PRDM10: variants seen among roughly 807,000 people sequenced by gnomAD.
PRDM10 encodes the protein PR domain zinc finger protein 10.
A neutral mutation model predicts 133.1 loss-of-function variants in PRDM10; 65 were observed. The observed-to-expected ratio is 0.49, with a 90% CI of 0.40 to 0.60. The LOEUF (loss-of-function observed/expected upper bound fraction) is 0.60. PRDM10 is among the 20% of genes least tolerant of loss of function. PRDM10 has a pLI of 0.00. For missense variants in PRDM10, 1,137 were observed against 1,507.1 expected (o/e 0.75, Z 4.07); for synonymous variants, 582 against 580.4 (o/e 1.00, Z -0.04).
rs757291881 is a variant in PRDM10, at chr11:129,960,941, C to T, written c.24G>A (p.Ser8=). Residue 8 remains serine (S), a synonymous_variant, in exon 2 of 21, where the codon TCG becomes TCA. Transcript: ENST00000360871. ...GCTCTGCAGATGTCGGCCACACATGCGAGCTTTCATCTTTGGAATCCATCT... is the reference window on the plus strand; with the variant it reads ...GCTCTGCAGATGTCGGCCACACATGTGAGCTTTCATCTTTGGAATCCATCT... MDSKDES[S]HVWPTSAEHE... is the part of the protein sequence containing the mutation. 85 of 1,614,130 alleles carry T rather than the reference C, an allele frequency of 5.3e-5. 1 individual carries two copies. In the Middle Eastern group the frequency reaches 1.2e-3, roughly 22 times the overall value.
chr11:129,908,885 C>T (rs548635017), intron 19 of PRDM10, among the ~76,000 whole-genome samples: 2 of 151,940 alleles, frequency 1.3e-5, no homozygotes, highest in African/African-American at 2.4e-5. Context: ...CGCCACCAGA[C>T]GTGGCTAATT....
intron 1 of PRDM10, among the ~76,000 whole-genome samples, chr11:129,970,039 C>T (rs917022855): frequency 2.6e-5 from 4 of 152,114 alleles, no homozygotes; most frequent in South Asian, 2.1e-4. Flanking sequence ...CATAGAATAA[C>T]GGAACTAATT....
At chr11:129,984,605 C>G (rs1456923079) in intron 1 of PRDM10, among the ~76,000 whole-genome samples, 1 of 152,174 alleles carries the variant, frequency 6.6e-6, no homozygotes, top group African/African-American at 2.4e-5. Flanking sequence ...AGCGCTCCCC[C>G]ACAGCTCTCA....
chr11:129,925,226 C>T lies in PRDM10; in HGVS notation c.1534G>A (p.Ala512Thr), dbSNP rs530896113. 1 of 1,603,828 alleles carries T rather than the reference C, an allele frequency of 6.2e-7. No individual in the cohort carries two copies. Among genetic ancestry groups the T allele is most frequent in the South Asian group, 1.1e-5 (1 of 89,344 alleles). Residue 512 changes from alanine to threonine, a missense_variant, in exon 12 of 21, where the codon GCA (alanine) becomes ACA (threonine). By Grantham distance (58) the Ala-to-Thr change is moderately conservative. Around this residue, in one of 6 missense-constraint regions of PRDM10, gnomAD observed 635 missense variants for 835.2 expected, o/e 0.76. Transcript: ENST00000360871. ...CGAATAAACAGATGCTGAAGAGCTG[C>T]ATTCTGAAAGACATACACAAATGTG... ...DMRRAKRIRN[A>T]ALQHLFIRKS...
intron 10 of PRDM10, 113 bp downstream of exon 10, chr11:129,931,989 T>G: frequency 7.6e-7 from 1 of 1,314,144 alleles, no homozygotes; most frequent in Non-Finnish European, 1.0e-6. Context: ...CAGCAAGGTC[T>G]GATAGGAAAG....
Position 129,951,564 on chromosome 11 carries a change from C to A in PRDM10, c.294+3948G>T, listed in dbSNP as rs116913918. Among the ~76,000 whole-genome samples, 52 of 152,292 alleles carry A rather than the reference C, an allele frequency of 3.4e-4. No homozygotes were observed. The East Asian group carries it at 7.7e-3, about 23-fold the overall frequency. On this transcript the variant is annotated intron_variant, in intron 4 of 20. Coordinates refer to ENST00000360871, the MANE Select transcript of PRDM10 (RefSeq NM_199437.2). ...AAAGCAAAAAGAATCTATAAACTTA[C>A]GGTATACTTTCTCCTTCCCACTTAA...
chr11:129,925,124 G>GT lies in PRDM10; in HGVS notation c.1635dup (p.Arg546ThrfsTer14). ...CAGTTCCCCTCCCGCCCATGGAAGCGTAAGTGCTGGTCCAGTTTGTCCTTT... is the reference window on the plus strand; with the variant it reads ...CAGTTCCCCTCCCGCCCATGGAAGCGTTAAGTGCTGGTCCAGTTTGTCCTTT... On this transcript the variant is annotated frameshift_variant, in exon 12 of 21. Coordinates refer to ENST00000360871, the MANE Select transcript of PRDM10 (RefSeq NM_199437.2). LOFTEE classifies it high-confidence loss of function. 6.2e-7 allele frequency: 1 copy of GT among 1,614,214 alleles called. No individual in the cohort carries two copies.
chr11:129,914,992 C>T lies in PRDM10; in HGVS notation c.2553G>A (p.Lys851=). ...SKTKMVQHIR[K]KHPEFAQLSN... ...AGAGCTGGGCGAACTCTGGATGCTT[C>T]TTTCGAATGTGCTGGACCATCTTGG... The change falls in exon 17 of 21, where the codon AAG becomes AAA. Residue 851 remains lysine (K), a synonymous_variant. Coordinates refer to ENST00000360871, the MANE Select transcript of PRDM10 (RefSeq NM_199437.2). The T allele has an allele frequency of 6.2e-7, 1 of 1,604,812 alleles. No individual in the cohort carries two copies.
intron 1 of PRDM10, among the ~76,000 whole-genome samples, chr11:129,977,129 T>G (rs1177321076): frequency 6.6e-6 from 1 of 152,036 alleles, no homozygotes; most frequent in Non-Finnish European, 1.5e-5. Context: ...CATTCCACTG[T>G]CCAGGGTCTG....
At chr11:129,953,776 C>T (rs562037409) in intron 4 of PRDM10, among the ~76,000 whole-genome samples, 1 of 144,314 alleles carries the variant, frequency 6.9e-6, no homozygotes, top group African/African-American at 2.6e-5. Context: ...GGGTATTTAT[C>T]CTAAGGAAAT....
chr11:129,955,513 T>C lies in PRDM10; in HGVS notation c.293A>G (p.Gln98Arg), dbSNP rs1422905955. The C allele has an allele frequency of 6.2e-7, 1 of 1,614,058 alleles. No individual in the cohort carries two copies. The highest frequency in any genetic ancestry group is 8.5e-7 in the Non-Finnish European group (1 of 1,179,966). The change falls in exon 4 of 21, where the codon CAG becomes CGG. Residue 98 changes from glutamine (Q) to arginine (R), a missense_variant and splice_region_variant. By Grantham distance (43) the Gln-to-Arg change is conservative. Transcript: ENST00000360871. ...AYVQQDATAQ[Q>R]ASLPVHNQVL... Reference sequence around the variant, plus strand: ...AACAAGAAAAAGGCAGTTCGTTACCTGCTGAGCTGTAGCATCCTGTTGGAC... The same window carrying C: ...AACAAGAAAAAGGCAGTTCGTTACCCGCTGAGCTGTAGCATCCTGTTGGAC...
Position 129,901,969 on chromosome 11 carries a change from T to G in PRDM10, c.*344A>C. The G allele has an allele frequency of 5.1e-6, 1 of 197,544 alleles. No homozygotes were observed. Among genetic ancestry groups the G allele is most frequent in the Non-Finnish European group, 1.0e-5 (1 of 96,868 alleles). The allele number at this position is 197,544 out of a possible 1,614,324, so 12.2% of individuals were successfully genotyped here. ...AACTTGGCACATCCTGTCTCCACCT[T>G]TGGTATGAACACAATATGCCACTTA... On this transcript the variant is annotated 3_prime_UTR_variant, in exon 21 of 21. Coordinates refer to ENST00000360871, the MANE Select transcript of PRDM10 (RefSeq NM_199437.2).
At chr11:129,929,511 T>A in intron 11 of PRDM10, 3 of 1,182,628 alleles carry the variant, frequency 2.5e-6, no homozygotes, top group Non-Finnish European at 3.5e-6. Flanking sequence ...CCAATCTGGA[T>A]AGAAAAGATG....
intron 11 of PRDM10, among the ~76,000 whole-genome samples, chr11:129,927,481 C>T (rs149854166): frequency 6.6e-6 from 1 of 152,200 alleles, no homozygotes; most frequent in African/African-American, 2.4e-5. Context: ...ACACAATGCA[C>T]ATTGACTGTG....
intron 1 of PRDM10, among the ~76,000 whole-genome samples, chr11:129,999,424 T>C (rs1939226310): frequency 6.6e-6 from 1 of 152,184 alleles, no homozygotes; most frequent in Non-Finnish European, 1.5e-5. Flanking sequence ...TAAGTTAAAA[T>C]GGTAGACAAT....
chr11:129,958,995 C>G (rs1349932341), intron 2 of PRDM10, among the ~76,000 whole-genome samples: 1 of 152,194 alleles, frequency 6.6e-6, no homozygotes, highest in Non-Finnish European at 1.5e-5. Flanking sequence ...GGTCTGGAAG[C>G]AGATGGCCCA....
intron 1 of PRDM10, among the ~76,000 whole-genome samples, chr11:129,997,441 C>T (rs1939122356): frequency 1.3e-5 from 2 of 152,272 alleles, no homozygotes; most frequent in South Asian, 4.1e-4. Context: ...GATGGTGCCC[C>T]CGCATTCCTG....
chr11:129,902,352 G>C lies in PRDM10; in HGVS notation c.3432C>G (p.Asn1144Lys), dbSNP rs748892885. The change falls in exon 21 of 21, where the codon AAC becomes AAG. Residue 1144 changes from asparagine (N) to lysine (K), a missense_variant. By Grantham distance (94) the Asn-to-Lys change is moderately conservative (BLOSUM62 0). This residue lies in a region of PRDM10 where 243 missense variants were observed against 259.2 expected (regional missense o/e 0.94). Transcript: ENST00000360871. ...TATGCACTTCGCTGCTTCCGTTCCCGTTGGTGGTGGTGGTGATGATGTACT... is the reference window on the plus strand; with the variant it reads ...TATGCACTTCGCTGCTTCCGTTCCCCTTGGTGGTGGTGGTGATGATGTACT... ...TTQYIITTTT[N>K]GNGSSEVHIT... 6.2e-7 allele frequency: 1 copy of C among 1,614,024 alleles called. No homozygotes were observed. The highest frequency in any genetic ancestry group is 1.3e-5 in the African/African-American group (1 of 74,912).
intron 13 of PRDM10, among the ~76,000 whole-genome samples, chr11:129,920,206 C>A (rs774026946): frequency 6.6e-6 from 1 of 152,182 alleles, no homozygotes; most frequent in Non-Finnish European, 1.5e-5. Context: ...CAAAGCCTAA[C>A]ACAAATACCA....
Sources: gnomAD v4.1 joint callset for allele counts (sites outside exome capture counted in the v4.1 genomes callset) on GRCh38, gnomAD v4.1.1 for gene constraint, gnomAD v4.1.1 regional missense constraint, MANE v1.5 for transcripts, NCBI Gene and HGNC (gene_info 2026-07-23, HGNC 2026-07-21) for gene names.